JAKMIP3: variants seen among roughly 807,000 people sequenced by gnomAD.
The protein encoded by JAKMIP3 is Janus kinase and microtubule interacting protein 3.
A neutral mutation model predicts 118.5 loss-of-function variants in JAKMIP3; 58 were observed. The ratio of observed to expected loss-of-function variants is 0.49; its 90% CI spans 0.40 to 0.61. The LOEUF (loss-of-function observed/expected upper bound fraction) is 0.61, where lower values mean the gene tolerates loss of function less well. Among genes scored for constraint, JAKMIP3 ranks in the 20% least tolerant of loss-of-function variants. The pLI, the probability that JAKMIP3 is intolerant of heterozygous loss-of-function variation, is 0.00. For synonymous variants in JAKMIP3, 486 were observed against 451.2 expected, an observed-to-expected ratio of 1.08 and a Z score of -0.98; for missense variants, 950 against 1,109.0, an observed-to-expected ratio of 0.86 and a Z score of 2.04.
At position 132,078,793 on chromosome 10, in the gene JAKMIP3, G is replaced by A. The variant is rs1390017147; in HGVS notation, c.-138+12732G>A. Reference sequence around the variant, plus strand: ...TTTCCCCCCAGGCCCGTTTGAAGCTGCTCCCTTGGCCCGGCCGCCAGAACC... The same window carrying A: ...TTTCCCCCCAGGCCCGTTTGAAGCTACTCCCTTGGCCCGGCCGCCAGAACC... On this transcript the variant is annotated intron_variant, in intron 1 of 23. Coordinates refer to ENST00000684848, the MANE Select transcript of JAKMIP3 (RefSeq NM_001323087.2). Among the ~76,000 whole-genome samples, 5 of 148,480 alleles carry A rather than the reference G, an allele frequency of 3.4e-5. No homozygotes were observed. In the Admixed American group the frequency reaches 3.5e-4, roughly 10 times the overall value.
In JAKMIP3 at chr10:132,180,778, T is replaced by TGCGCGC. The variant is rs1409189501; in HGVS notation, c.*1104-1578_*1104-1577insCGCGCG. Among the ~76,000 whole-genome samples, 2 of 46,366 alleles carry TGCGCGC rather than the reference T, an allele frequency of 4.3e-5. 1 individual carries two copies. Among genetic ancestry groups the TGCGCGC allele is most frequent in the Non-Finnish European group, 1.1e-4 (2 of 18,990 alleles). 30.4% of individuals were successfully genotyped at this position (46,366 alleles called of 152,430 possible). A position where few individuals can be genotyped will look rare whatever the true frequency, so the allele number is the denominator to read the frequency against. ...GTGTGTGCGTGTGTGTGCGTGTGTG[T>TGCGCGC]GTGTGCGCGTATGCATGTGCTGTGA... On this transcript the variant is annotated intron_variant, in intron 23 of 23. Coordinates refer to ENST00000684848, the MANE Select transcript of JAKMIP3 (RefSeq NM_001323087.2).
intron 1 of JAKMIP3, among the ~76,000 whole-genome samples, chr10:132,048,667 C>CTTTTTTTTTTTTTTTT (rs35729418): frequency 1.5e-5 from 2 of 129,802 alleles, no homozygotes; most frequent in Non-Finnish European, 3.2e-5. Flanking sequence ...TGTTTCTTTT[C>CTTTTTTTTTTTTTTTT]TTTTTTTTTT....
At chr10:132,110,759 C>T (rs757958753) in intron 2 of JAKMIP3, among the ~76,000 whole-genome samples, 5 of 152,174 alleles carry the variant, frequency 3.3e-5, no homozygotes, top group Non-Finnish European at 5.9e-5. Flanking sequence ...AGCCCTCTGT[C>T]GGGAGAGAGA....
At chr10:132,087,342 G>A (rs1429902361) in intron 1 of JAKMIP3, among the ~76,000 whole-genome samples, 1 of 149,192 alleles carries the variant, frequency 6.7e-6, no homozygotes, top group Non-Finnish European at 1.5e-5. Context: ...GTGCCTAGGC[G>A]ATGATCTTTT....
chr10:132,088,455 C>G (rs11522483), intron 1 of JAKMIP3, among the ~76,000 whole-genome samples: 12,984 of 152,078 alleles, frequency 0.085, 1,297 homozygotes, highest in African/African-American at 0.24. Flanking sequence ...TCTCTGATGG[C>G]CAGTGATGAT....
At chr10:132,067,529 C>T (rs983151948) in intron 1 of JAKMIP3, among the ~76,000 whole-genome samples, 12 of 152,262 alleles carry the variant, frequency 7.9e-5, no homozygotes, top group African/African-American at 2.2e-4. Flanking sequence ...TATTTTGGAT[C>T]GAGCTCCTCC....
intron 23 of JAKMIP3, among the ~76,000 whole-genome samples, chr10:132,177,132 C>T (rs117979512): frequency 1.6e-4 from 24 of 152,360 alleles, no homozygotes; most frequent in African/African-American, 5.5e-4. Context: ...CAGCAGCTTA[C>T]AGCCTGCGGG....
chr10:132,157,313 G>C (rs974890470), intron 19 of JAKMIP3, among the ~76,000 whole-genome samples: 2 of 152,052 alleles, frequency 1.3e-5, no homozygotes, highest in African/African-American at 4.8e-5. Flanking sequence ...TCACCTGACT[G>C]TGCACAGCCA....
rs567257894 is a variant in JAKMIP3, at chr10:132,119,304, T to TC, written c.633+1731dup. Among the ~76,000 whole-genome samples the TC allele has an allele frequency of 1.2e-4, 18 of 152,328 alleles. No homozygotes were observed. In the East Asian group the frequency reaches 1.5e-3, roughly 13 times the overall value. Reference sequence around the variant, plus strand: ...TGTGCTCAACAGCATCGTGTTATGATCTAAGGTCTTAAATTTCAAAGTAAA... The same window carrying TC: ...TGTGCTCAACAGCATCGTGTTATGATCCTAAGGTCTTAAATTTCAAAGTAAA... On this transcript the variant is annotated intron_variant, in intron 3 of 23. Transcript: ENST00000684848.
intron 3 of JAKMIP3, among the ~76,000 whole-genome samples, chr10:132,123,011 C>A (rs1192261822): frequency 2.0e-5 from 3 of 152,194 alleles, no homozygotes; most frequent in Non-Finnish European, 2.9e-5. Context: ...GAACCTGGAG[C>A]CTCGGAAGGC....
intron 19 of JAKMIP3, among the ~76,000 whole-genome samples, chr10:132,159,567 GGCGT>G (rs1478661356): frequency 2.0e-4 from 21 of 107,130 alleles, no homozygotes; most frequent in East Asian, 8.6e-4. Context: ...ATGCTGGGGG[GGCGT>G]GTCTCCCTGT....
At position 132,158,940 on chromosome 10, in the gene JAKMIP3, G is replaced by GT. The variant is rs1564979690; in HGVS notation, c.2221-4269_2221-4268insT. On this transcript the variant is annotated intron_variant, in intron 19 of 23. Coordinates refer to ENST00000684848, the MANE Select transcript of JAKMIP3 (RefSeq NM_001323087.2). ...GAGGGGCATCTTCCTTTGTGATGCT[G>GT]GGGGGGGGGACCTCTCGCTGTGTGA... Among the ~76,000 whole-genome samples the GT allele has an allele frequency of 2.9e-4, 25 of 85,442 alleles. 5 individuals are homozygous for GT. Among genetic ancestry groups the GT allele is most frequent in the African/African-American group, 1.8e-3 (22 of 11,900 alleles). The allele number at this position is 85,442 out of a possible 152,430, so 56.1% of individuals were successfully genotyped here.
In JAKMIP3 at chr10:132,149,509, C is replaced by T. The variant is rs373056876; in HGVS notation, c.1946C>T (p.Thr649Met). The change falls in exon 15 of 24, where the codon ACG becomes ATG. Residue 649 changes from threonine to methionine, a missense_variant and splice_region_variant. By Grantham distance (81) the Thr-to-Met change is moderately conservative. Transcript: ENST00000684848. ...LQVYCEAEGV[T>M]DIVVAELMKK... ...GTGTACTGCGAGGCCGAAGGTGTGA[C>T]GGTGAGTCCCGCCCCTCCTGCCCAC... 2.4e-5 allele frequency: 38 copies of T among 1,555,708 alleles called. No homozygotes were observed. The highest frequency in any genetic ancestry group is 1.7e-4 in the Middle Eastern group (1 of 5,966).
chr10:132,124,249 C>T lies in JAKMIP3; in HGVS notation c.633+6675C>T, dbSNP rs138592483. 1.1e-3 allele frequency among the ~76,000 whole-genome samples: 162 copies of T among 152,346 alleles called. 1 individual carries two copies. Among genetic ancestry groups the T allele is most frequent in the African/African-American group, 3.6e-3 (150 of 41,572 alleles). ...CCGCCCCGGTGCGTCACAGCCGAGC[C>T]GGCCACATCACCTACATCCATTGCC... On this transcript the variant is annotated intron_variant, in intron 3 of 23. Coordinates refer to ENST00000684848, the MANE Select transcript of JAKMIP3 (RefSeq NM_001323087.2).
chr10:132,102,377 C>G (rs58494553), intron 1 of JAKMIP3, among the ~76,000 whole-genome samples: 35,169 of 152,072 alleles, frequency 0.23, 4,722 homozygotes, highest in African/African-American at 0.38. Context: ...CCAGCCCCTC[C>G]GTCTGCAGTG....
In JAKMIP3 at chr10:132,046,307, A is replaced by AT. The variant is rs112651398; in HGVS notation, c.-138+9570dup. Among the ~76,000 whole-genome samples, 105 of 152,070 alleles carry AT rather than the reference A, an allele frequency of 6.9e-4. 4 individuals are homozygous for AT. Among genetic ancestry groups the AT allele is most frequent in the African/African-American group, 2.3e-3 (94 of 41,478 alleles). ...CGTCTCTACTAAAAATAGAAAAAAA[A>AT]TAGCTGGGCGTGGTGGCGGGCACCT... On this transcript the variant is annotated intron_variant, in intron 1 of 23. Coordinates refer to the JAKMIP3 transcript ENST00000657785.
chr10:132,116,838 G>A (rs1254622502), intron 2 of JAKMIP3, among the ~76,000 whole-genome samples: 2 of 147,140 alleles, frequency 1.4e-5, no homozygotes, highest in African/African-American at 5.1e-5. Flanking sequence ...ACATTCAGGT[G>A]TGAGTGTGTG....
chr10:132,163,412 GGT>G lies in JAKMIP3; in HGVS notation c.2424+6_2424+7del. 6.3e-7 allele frequency: 1 copy of G among 1,596,422 alleles called. No homozygotes were observed. The highest frequency in any genetic ancestry group is 8.5e-7 in the Non-Finnish European group (1 of 1,177,138). On this transcript the variant is annotated splice_donor_variant, in intron 20 of 23. Coordinates refer to ENST00000684848, the MANE Select transcript of JAKMIP3 (RefSeq NM_001323087.2). LOFTEE classifies it high-confidence loss of function. ...TGGAGCTGCTGCAGCTGGCTCAGCA[GGT>G]GTGTGGCAGGCGGGGGCAGGGCTGG...
intron 13 of JAKMIP3, among the ~76,000 whole-genome samples, chr10:132,147,054 A>T (rs543690572): frequency 6.6e-6 from 1 of 152,346 alleles, no homozygotes; most frequent in East Asian, 1.9e-4. Flanking sequence ...ACGTACACAC[A>T]TGCGCATGTG....
Sources: gnomAD v4.1 joint callset for allele counts (sites outside exome capture counted in the v4.1 genomes callset) on GRCh38, gnomAD v4.1.1 for gene constraint, MANE v1.5 for transcripts, NCBI Gene and HGNC (gene_info 2026-07-23, HGNC 2026-07-21) for gene names.